SMG7: variants seen among roughly 807,000 people sequenced by gnomAD.
SMG7 encodes SMG7 nonsense mediated mRNA decay factor, also known as nonsense-mediated mRNA decay factor SMG7.
Under a neutral mutation model 148.2 loss-of-function variants are expected in SMG7, and 34 were observed. The observed-to-expected ratio is 0.23, with a 90% CI of 0.17 to 0.31. SMG7 has a LOEUF of 0.31. Among genes scored for constraint, SMG7 ranks in the 10% least tolerant of loss-of-function variants. The pLI is 1.00. For missense variants in SMG7, 1,114 were observed against 1,408.4 expected (o/e 0.79, Z 3.35); for synonymous variants, 492 against 515.1 (o/e 0.96, Z 0.61).
intron 4 of SMG7, among the ~76,000 whole-genome samples, chr1:183,520,368 C>CT (rs1004051944): frequency 2.0e-5 from 3 of 151,992 alleles, no homozygotes; most frequent in Non-Finnish European, 4.4e-5. Context: ...AAAATGGTAA[C>CT]TTTTTTTTCA....
chr1:183,475,334 CAG>C, intron 1 of SMG7, among the ~76,000 whole-genome samples: 1 of 152,120 alleles, frequency 6.6e-6, no homozygotes, highest in Non-Finnish European at 1.5e-5. Flanking sequence ...TAAAGTAAGA[CAG>C]GGATGTACTG....
intron 2 of SMG7, 69 bp downstream of exon 2, chr1:183,512,937 T>A: frequency 7.2e-7 from 1 of 1,397,690 alleles, no homozygotes; most frequent in Non-Finnish European, 9.8e-7. Context: ...ATATCCTCTT[T>A]CTTATATTAT....
At chr1:183,497,099 A>G (rs1396567001) in intron 1 of SMG7, among the ~76,000 whole-genome samples, 1 of 152,212 alleles carries the variant, frequency 6.6e-6, no homozygotes, top group Non-Finnish European at 1.5e-5. Flanking sequence ...CCCTTTAACA[A>G]AACTCTTTAA....
At chr1:183,542,041 GT>G in intron 13 of SMG7, 34 bp from the exon 14 acceptor site, 1 of 1,544,546 alleles carries the variant, frequency 6.5e-7, no homozygotes, top group Non-Finnish European at 8.8e-7. Flanking sequence ...TTAAGTTAAT[GT>G]TTTTTATATA....
rs553153108 is a variant in SMG7, at chr1:183,541,613, C to T, written c.1416-463C>T. ...TCTCAAGTGGGTGTCCTTGGGATCT[C>T]CCCAGTAGATTATAACCTTTCCAAA... On this transcript the variant is annotated intron_variant, in intron 13 of 22. Coordinates refer to ENST00000688051, the MANE Select transcript of SMG7 (RefSeq NM_001375584.1). Among the ~76,000 whole-genome samples, 15 of 152,272 alleles carry T rather than the reference C, an allele frequency of 9.9e-5. 1 individual carries two copies. The South Asian group carries it at 2.7e-3, about 27-fold the overall frequency.
chr1:183,501,397 C>T (rs770086532), intron 1 of SMG7: 24 of 152,172 alleles, frequency 1.6e-4, no homozygotes, highest in Non-Finnish European at 3.2e-4. Flanking sequence ...ATAAGACATT[C>T]TTACTATATT....
chr1:183,477,961 A>G (rs1653092188), intron 1 of SMG7, among the ~76,000 whole-genome samples: 1 of 152,186 alleles, frequency 6.6e-6, no homozygotes, highest in Admixed American at 6.6e-5. Context: ...AATGGTTGTC[A>G]TTTAAATAGG....
At chr1:183,511,520 G>C (rs1414131176) in intron 1 of SMG7, among the ~76,000 whole-genome samples, 2 of 152,174 alleles carry the variant, frequency 1.3e-5, no homozygotes, top group African/African-American at 4.8e-5. Flanking sequence ...GGAGAAACTA[G>C]AAGTCCAGTC....
At chr1:183,503,122 T>G (rs1660104737) in intron 1 of SMG7, among the ~76,000 whole-genome samples, 1 of 152,240 alleles carries the variant, frequency 6.6e-6, no homozygotes, top group South Asian at 2.1e-4. Flanking sequence ...GGCAAGTTAT[T>G]TAACCACTCT....
chr1:183,545,904 G>A (rs1669843699), intron 16 of SMG7, 62 bp from the exon 17 acceptor site: 2 of 1,506,582 alleles, frequency 1.3e-6, no homozygotes, highest in Non-Finnish European at 1.8e-6. Flanking sequence ...TGATTCTTTA[G>A]CATTCATTAT....
At chr1:183,496,900 C>T (rs543478579) in intron 1 of SMG7, among the ~76,000 whole-genome samples, 229 of 152,274 alleles carry the variant, frequency 1.5e-3, no homozygotes, top group Non-Finnish European at 2.3e-3. Context: ...CAGTTAAAGC[C>T]GTCCTGGGCT....
At chr1:183,533,921 A>G (rs1028001628) in intron 10 of SMG7, 89 bp downstream of exon 10, 1 of 1,091,394 alleles carries the variant, frequency 9.2e-7, no homozygotes, top group Non-Finnish European at 1.4e-6. Flanking sequence ...AAAATACAAC[A>G]TTTGAACAAT....
At chr1:183,524,559 G>A (rs1019276449) in intron 4 of SMG7, among the ~76,000 whole-genome samples, 5 of 152,164 alleles carry the variant, frequency 3.3e-5, no homozygotes, top group Admixed American at 6.5e-5. Flanking sequence ...TTTATCTTAG[G>A]AAAAAGGTGG....
rs1269652690 is a variant in SMG7, at chr1:183,512,806, CTCT to C, written c.30-29_30-27del. On this transcript the variant is annotated intron_variant, in intron 1 of 22. Coordinates refer to ENST00000688051, the MANE Select transcript of SMG7 (RefSeq NM_001375584.1). ...AGGCCTCGTTTGTTTCTAACTGATA[CTCT>C]TTTTTTTTTTTTTTTTTTTCTATCT... 10 of 1,273,936 alleles carry C rather than the reference CTCT, an allele frequency of 7.8e-6. No homozygotes were observed. In the African/African-American group the frequency reaches 1.1e-4, roughly 14 times the overall value. The allele number at this position is 1,273,936 out of a possible 1,614,324, so 78.9% of individuals were successfully genotyped here. A position where few individuals can be genotyped will look rare whatever the true frequency, so the allele number is the denominator to read the frequency against.
At position 183,547,210 on chromosome 1, in the gene SMG7, T is replaced by C; in HGVS notation, c.2850T>C (p.Ala950=). The change falls in exon 18 of 23, where the codon GCT becomes GCC. Residue 950 remains alanine, a synonymous_variant. Transcript: ENST00000688051. Reference sequence around the variant, plus strand: ...CTAACCCTCCTGATCTTTACCCGGCTCTGCTGGGGCCTCTCGCCTCTCTTC... The same window carrying C: ...CTAACCCTCCTGATCTTTACCCGGCCCTGCTGGGGCCTCTCGCCTCTCTTC... ...IFSNPPDLYP[A]LLGPLASLPG... 1 of 1,550,398 alleles carries C rather than the reference T, an allele frequency of 6.4e-7. No homozygotes were observed. Among genetic ancestry groups the C allele is most frequent in the South Asian group, 1.2e-5 (1 of 84,048 alleles).
At chr1:183,474,315 C>T (rs372469612) in intron 1 of SMG7, among the ~76,000 whole-genome samples, 1 of 152,220 alleles carries the variant, frequency 6.6e-6, no homozygotes, top group East Asian at 1.9e-4. Flanking sequence ...GTAATCCCAG[C>T]ACTTTGGGAG....
chr1:183,477,751 CAT>C (rs753983772), intron 1 of SMG7, among the ~76,000 whole-genome samples: 4 of 150,254 alleles, frequency 2.7e-5, no homozygotes, highest in South Asian at 2.1e-4. Context: ...CATGTGTGTG[CAT>C]ATGTGTGCAT....
At position 183,516,219 on chromosome 1, in the gene SMG7, C is replaced by T. The variant is rs546516226; in HGVS notation, c.179+228C>T. On this transcript the variant is annotated intron_variant, in intron 3 of 22. Coordinates refer to ENST00000688051, the MANE Select transcript of SMG7 (RefSeq NM_001375584.1). ...GAGTTGAATTCTATTAAGGTCATTA[C>T]GGCAGCTCTTTTAGGGCCTGTCAAA... is the stretch of plus-strand genomic sequence containing the variant. 1.1e-4 allele frequency: 41 copies of T among 378,370 alleles called. No individual in the cohort carries two copies. In the South Asian group the frequency reaches 1.3e-3, roughly 12 times the overall value. 23.4% of individuals were successfully genotyped at this position (378,370 alleles called of 1,614,324 possible).
At chr1:183,495,486 T>TA (rs774441331) in intron 1 of SMG7, among the ~76,000 whole-genome samples, 10 of 152,308 alleles carry the variant, frequency 6.6e-5, no homozygotes, top group Middle Eastern at 3.4e-3. Context: ...GGAAAGAACT[T>TA]ACGCTAGAAG....
Sources: allele counts gnomAD v4.1 joint callset (sites outside exome capture counted in the v4.1 genomes callset), GRCh38; gene constraint gnomAD v4.1.1; transcripts MANE v1.5; gene names NCBI Gene and HGNC (gene_info 2026-07-23, HGNC 2026-07-21).